The following ZBTB16 variants were observed in gnomAD, a reference collection of about 807,000 sequenced individuals.
ZBTB16 encodes zinc finger and BTB domain-containing protein 16.
Under a neutral mutation model 56.8 loss-of-function variants are expected in ZBTB16, and 8 were observed. The ratio of observed to expected loss-of-function variants is 0.14; its 90% CI spans 0.08 to 0.25. ZBTB16 has a LOEUF of 0.25. ZBTB16 is among the 10% of genes least tolerant of loss of function. The pLI, the probability that ZBTB16 is intolerant of heterozygous loss-of-function variation, is 1.00. For missense variants in ZBTB16, 625 were observed against 903.0 expected, an observed-to-expected ratio of 0.69 and a Z score of 3.95; for synonymous variants, 363 against 368.5, an observed-to-expected ratio of 0.98 and a Z score of 0.17.
chr11:114,199,610 A>G (rs2135099191), intron 4 of ZBTB16, among the ~76,000 whole-genome samples: 1 of 152,338 alleles, frequency 6.6e-6, no homozygotes, highest in South Asian at 2.1e-4. Context: ...TGGCTCTGCT[A>G]TGGACTTGCT....
chr11:114,171,174 G>A (rs1486077457), intron 3 of ZBTB16, among the ~76,000 whole-genome samples: 1 of 152,202 alleles, frequency 6.6e-6, no homozygotes, highest in African/African-American at 2.4e-5. Flanking sequence ...TGCACCAAGA[G>A]CAGGGTCTGA....
chr11:114,198,949 G>C (rs1337180273), intron 4 of ZBTB16, among the ~76,000 whole-genome samples: 2 of 152,276 alleles, frequency 1.3e-5, no homozygotes, highest in African/African-American at 4.8e-5. Flanking sequence ...CACTGCCCTG[G>C]ACAGTGATTT....
chr11:114,238,921 G>A lies in ZBTB16; in HGVS notation c.1454-3246G>A, dbSNP rs557608828. ...CAAAATCTCAGGAGCTCTTGGAGTC[G>A]CCCTGCCTTACCCTCTGGGTGGTTG... On this transcript the variant is annotated intron_variant, in intron 4 of 6. Coordinates refer to ENST00000335953, the MANE Select transcript of ZBTB16 (RefSeq NM_006006.6). Among the ~76,000 whole-genome samples the A allele has an allele frequency of 7.2e-5, 11 of 152,146 alleles. 1 individual carries two copies. Among genetic ancestry groups the A allele is most frequent in the African/African-American group, 2.2e-4 (9 of 41,522 alleles).
intron 2 of ZBTB16, among the ~76,000 whole-genome samples, chr11:114,079,731 A>T (rs1939693431): frequency 6.6e-6 from 1 of 152,178 alleles, no homozygotes; most frequent in South Asian, 2.1e-4. Flanking sequence ...TCTGACTCGG[A>T]AGGCAGATTC....
chr11:114,233,092 C>G (rs1944486619), intron 4 of ZBTB16, among the ~76,000 whole-genome samples: 1 of 30,848 alleles, frequency 3.2e-5, no homozygotes, highest in Non-Finnish European at 9.8e-5. Context: ...CACACACACA[C>G]ACACACACAC....
intron 2 of ZBTB16, among the ~76,000 whole-genome samples, chr11:114,132,516 A>G (rs955330287): frequency 6.6e-6 from 1 of 152,140 alleles, no homozygotes; most frequent in Non-Finnish European, 1.5e-5. Flanking sequence ...GCTGCCCTCT[A>G]GCTGTGTGAC....
chr11:114,233,061 A>C (rs1944475809), intron 4 of ZBTB16, among the ~76,000 whole-genome samples: 1 of 104,936 alleles, frequency 9.5e-6, no homozygotes, highest in East Asian at 3.6e-4. Flanking sequence ...TACTGCACAT[A>C]CGCATGCGCG....
At chr11:114,114,546 C>T (rs947432305) in intron 2 of ZBTB16, among the ~76,000 whole-genome samples, 1 of 152,110 alleles carries the variant, frequency 6.6e-6, no homozygotes, top group African/African-American at 2.4e-5. Context: ...TCAAAAAGTT[C>T]TTTCCAGGAA....
At chr11:114,219,672 G>A (rs1234268751) in intron 4 of ZBTB16, among the ~76,000 whole-genome samples, 1 of 150,624 alleles carries the variant, frequency 6.6e-6, no homozygotes, top group African/African-American at 2.4e-5. Flanking sequence ...AAAAAAAAAA[G>A]TCTTTTAAAC....
At chr11:114,174,962 C>A (rs989078208) in intron 3 of ZBTB16, among the ~76,000 whole-genome samples, 1 of 152,200 alleles carries the variant, frequency 6.6e-6, no homozygotes, top group Non-Finnish European at 1.5e-5. Flanking sequence ...AGAACCTGGG[C>A]TGGATGTTGA....
intron 2 of ZBTB16, among the ~76,000 whole-genome samples, chr11:114,119,055 A>C (rs1330239564): frequency 6.6e-6 from 1 of 151,988 alleles, no homozygotes; most frequent in African/African-American, 2.4e-5. Context: ...ACCTGAGGTC[A>C]GGAGTTTGAG....
intron 2 of ZBTB16, among the ~76,000 whole-genome samples, chr11:114,074,943 G>T (rs955918015): frequency 1.3e-5 from 2 of 152,106 alleles, no homozygotes; most frequent in Non-Finnish European, 2.9e-5. Flanking sequence ...CAGTGAGGGC[G>T]ACTTAACCGT....
At chr11:114,222,548 T>G (rs1944249211) in intron 4 of ZBTB16, among the ~76,000 whole-genome samples, 1 of 152,062 alleles carries the variant, frequency 6.6e-6, no homozygotes, top group South Asian at 2.1e-4. Context: ...ATTGTCACAT[T>G]TGCTTGCGAG....
At chr11:114,137,266 T>C (rs1471182104) in intron 2 of ZBTB16, among the ~76,000 whole-genome samples, 2 of 152,206 alleles carry the variant, frequency 1.3e-5, no homozygotes, top group Admixed American at 1.3e-4. Flanking sequence ...TAAACTTCAT[T>C]GTCGTGATTA....
chr11:114,230,987 T>C (rs370634), intron 4 of ZBTB16, among the ~76,000 whole-genome samples: 84,298 of 151,878 alleles, frequency 0.56, 25,178 homozygotes, highest in East Asian at 0.7. Context: ...AGAGCCTAGC[T>C]GAGGTTTTTG....
At chr11:114,138,295 G>C (rs1941849924) in intron 2 of ZBTB16, among the ~76,000 whole-genome samples, 1 of 152,182 alleles carries the variant, frequency 6.6e-6, no homozygotes, top group African/African-American at 2.4e-5. Flanking sequence ...GGATGTGAGA[G>C]CTGCAGGACA....
chr11:114,157,589 T>C (rs901057935), intron 3 of ZBTB16, among the ~76,000 whole-genome samples: 2 of 152,138 alleles, frequency 1.3e-5, no homozygotes, highest in African/African-American at 2.4e-5. Context: ...TTTAGTACTG[T>C]CTTTCCCCTG....
rs79998450 is a variant in ZBTB16 at position 114,104,043 on chromosome 11, T to A, written c.1268+39475T>A. Among the ~76,000 whole-genome samples, 81 of 152,298 alleles carry A rather than the reference T, an allele frequency of 5.3e-4. 1 individual carries two copies. The East Asian group carries it at 0.014, about 26-fold the overall frequency. On this transcript the variant is annotated intron_variant, in intron 2 of 6. Transcript: ENST00000335953. ...AGCATTTTGGCCAGGGTGCCCAGTT[T>A]GAGCTCATTTACCAAAGGTGAATAG...
At chr11:114,239,313 TA>T (rs1193529689) in intron 4 of ZBTB16, among the ~76,000 whole-genome samples, 2 of 152,228 alleles carry the variant, frequency 1.3e-5, no homozygotes, top group East Asian at 3.9e-4. Context: ...CCTTGGCTCT[TA>T]AAGGGCATGG....
Sources: gnomAD v4.1 joint callset for allele counts (sites outside exome capture counted in the v4.1 genomes callset) on GRCh38, gnomAD v4.1.1 for gene constraint, MANE v1.5 for transcripts, NCBI Gene and HGNC (gene_info 2026-07-23, HGNC 2026-07-21) for gene names.